The following SLC30A9 variants were observed in gnomAD, a reference collection of about 807,000 sequenced individuals.
SLC30A9 encodes solute carrier family 30 member 9.
SLC30A9 carries 58 observed loss-of-function variants against 87.5 expected under a neutral mutation model. The observed-to-expected ratio is 0.66, with a 90% CI of 0.54 to 0.82. The LOEUF (loss-of-function observed/expected upper bound fraction) is 0.82. SLC30A9 is among the 40% of genes least tolerant of loss of function. The probability of loss-of-function intolerance (pLI) is 0.00; values close to 1 mark genes in which losing one functional copy is unlikely to be tolerated. For missense variants in SLC30A9, 557 were observed against 679.1 expected (o/e 0.82, Z 2.00); for synonymous variants, 234 against 233.0 (o/e 1.00, Z -0.04).
chr4:41,990,891 G>T, intron 1 of SLC30A9, 131 bp downstream of exon 1: 1 of 681,118 alleles, frequency 1.5e-6, no homozygotes, highest in South Asian at 1.7e-5. Flanking sequence ...TCTGGCCTCC[G>T]CCTTTCCAGT....
chr4:42,050,908 T>G (rs1717358514), intron 9 of SLC30A9, among the ~76,000 whole-genome samples: 1 of 152,152 alleles, frequency 6.6e-6, no homozygotes, highest in African/African-American at 2.4e-5. Flanking sequence ...GTGTCTGAGG[T>G]GGCTAGAACT....
Position 41,990,686 on chromosome 4 carries a change from G to A in SLC30A9, c.35G>A (p.Arg12Lys), listed in dbSNP as rs1022536047. ...GGCTTGGCCGCCGCCGCGGCCCACA[G>A]ATGTAGCTGGTCCTCCCTGTGCCGG... The part of the protein sequence containing the change: ...LPGLAAAAAH[R>K]CSWSSLCRLR... The change falls in exon 1 of 18, where the codon AGA (arginine) becomes AAA (lysine). Residue 12 changes from arginine (R) to lysine (K), a missense_variant. Arg to Lys is a conservative substitution (Grantham distance 26, BLOSUM62 2). Coordinates refer to ENST00000264451, the MANE Select transcript of SLC30A9 (RefSeq NM_006345.4). 6.2e-7 allele frequency: 1 copy of A among 1,611,720 alleles called. No individual in the cohort carries two copies. The highest frequency in any genetic ancestry group is 8.5e-7 in the Non-Finnish European group (1 of 1,178,892).
At chr4:42,047,032 G>C (rs1008735231) in intron 8 of SLC30A9, among the ~76,000 whole-genome samples, 2 of 152,198 alleles carry the variant, frequency 1.3e-5, no homozygotes, top group Non-Finnish European at 1.5e-5. Context: ...GCCATATGCA[G>C]AAAACTGAAA....
At chr4:42,055,669 A>C (rs1310261031) in intron 9 of SLC30A9, among the ~76,000 whole-genome samples, 1 of 152,234 alleles carries the variant, frequency 6.6e-6, no homozygotes, top group Admixed American at 6.5e-5. Flanking sequence ...TTTAATATCA[A>C]CTGAGATGAA....
intron 9 of SLC30A9, among the ~76,000 whole-genome samples, chr4:42,054,652 A>G (rs1367557705): frequency 6.6e-6 from 1 of 151,708 alleles, no homozygotes; most frequent in Non-Finnish European, 1.5e-5. Context: ...CATCACGCCC[A>G]GCTAATTTTT....
At chr4:42,056,001 A>G (rs1452065848) in intron 9 of SLC30A9, among the ~76,000 whole-genome samples, 1 of 152,134 alleles carries the variant, frequency 6.6e-6, no homozygotes, top group Non-Finnish European at 1.5e-5. Flanking sequence ...GTGTAGAAAA[A>G]GGTCTGGAAG....
In SLC30A9 at chr4:42,089,929, T is replaced by G. The variant is rs1396212616; in HGVS notation, c.*3803T>G. On this transcript the variant is annotated 3_prime_UTR_variant, in exon 18 of 18. Coordinates refer to ENST00000264451, the MANE Select transcript of SLC30A9 (RefSeq NM_006345.4). ...AATGTCATAAGGCTTGAGTTTTTGG[T>G]ATATGGCTTTCAGTGTTACCTTATC... is the stretch of plus-strand genomic sequence containing the variant. The G allele has an allele frequency of 6.6e-6, 1 of 152,232 alleles. No homozygotes were observed. Among genetic ancestry groups the G allele is most frequent in the Non-Finnish European group, 1.5e-5 (1 of 68,034 alleles). The allele number at this position is 152,232 out of a possible 1,614,324, so 9.4% of individuals were successfully genotyped here.
intron 2 of SLC30A9, among the ~76,000 whole-genome samples, chr4:42,011,924 G>C (rs767993562): frequency 7.4e-4 from 113 of 152,278 alleles, no homozygotes; most frequent in Admixed American, 1.4e-3. Flanking sequence ...AGGAGAGTTA[G>C]TAAATTCAAA....
rs1435018510 is a variant in SLC30A9, at chr4:41,990,554, T to C, written c.-98T>C. 2 of 666,100 alleles carry C rather than the reference T, an allele frequency of 3.0e-6. No homozygotes were observed. Among genetic ancestry groups the C allele is most frequent in the African/African-American group, 3.6e-5 (2 of 55,160 alleles). The allele number at this position is 666,100 out of a possible 1,614,324, so 41.3% of individuals were successfully genotyped here. Reference sequence around the variant, plus strand: ...CAGGCAGCTTGTGGCGGCGAAGCCATCGGTGTTCGCTGATGTCCAGTCTAT... The same window carrying C: ...CAGGCAGCTTGTGGCGGCGAAGCCACCGGTGTTCGCTGATGTCCAGTCTAT... On this transcript the variant is annotated 5_prime_UTR_variant, in exon 1 of 18. Transcript: ENST00000264451.
chr4:42,019,786 A>T (rs28446245), intron 3 of SLC30A9, among the ~76,000 whole-genome samples: 2 of 151,836 alleles, frequency 1.3e-5, no homozygotes, highest in Non-Finnish European at 2.9e-5. Context: ...CTGTTATTTT[A>T]TTTATTTATT....
chr4:41,993,866 A>G (rs1440915802), intron 1 of SLC30A9, among the ~76,000 whole-genome samples: 3 of 152,176 alleles, frequency 2.0e-5, no homozygotes, highest in African/African-American at 7.2e-5. Context: ...TTAAAAAATT[A>G]TAATTCAGGG....
intron 8 of SLC30A9, among the ~76,000 whole-genome samples, chr4:42,041,409 C>G (rs1375864168): frequency 6.6e-6 from 1 of 152,144 alleles, no homozygotes; most frequent in Non-Finnish European, 1.5e-5. Context: ...CCTCAGCCTC[C>G]TGAGTAGCTG....
intron 11 of SLC30A9, among the ~76,000 whole-genome samples, chr4:42,063,852 C>G (rs1717972482): frequency 1.3e-5 from 2 of 152,148 alleles, no homozygotes; most frequent in Admixed American, 1.3e-4. Flanking sequence ...GCTTCTGCAT[C>G]TCATGGTGTG....
chr4:42,062,850 G>T, intron 10 of SLC30A9, 136 bp from the exon 11 acceptor site: 1 of 702,598 alleles, frequency 1.4e-6, no homozygotes, highest in Non-Finnish European at 2.2e-6. Flanking sequence ...TTCAAGTTTG[G>T]CACTTAACAT....
At chr4:42,028,741 T>A (rs1361255160) in intron 6 of SLC30A9, among the ~76,000 whole-genome samples, 1 of 152,188 alleles carries the variant, frequency 6.6e-6, no homozygotes, top group Non-Finnish European at 1.5e-5. Context: ...TCCTGACTTG[T>A]CCTTCTACAC....
At chr4:42,067,682 G>A (rs901978604) in intron 14 of SLC30A9, among the ~76,000 whole-genome samples, 2 of 152,196 alleles carry the variant, frequency 1.3e-5, no homozygotes, top group African/African-American at 4.8e-5. Flanking sequence ...TACCATCTCT[G>A]TGGAGTTTGC....
At chr4:42,016,726 A>G (rs546617722) in intron 2 of SLC30A9, among the ~76,000 whole-genome samples, 2 of 152,156 alleles carry the variant, frequency 1.3e-5, no homozygotes, top group Non-Finnish European at 2.9e-5. Context: ...TAAAAGCTCA[A>G]AGAAAGATGG....
intron 7 of SLC30A9, among the ~76,000 whole-genome samples, chr4:42,038,579 A>C (rs1270353435): frequency 1.3e-5 from 2 of 152,236 alleles, no homozygotes; most frequent in African/African-American, 2.4e-5. Flanking sequence ...AGTTGAGATC[A>C]CATGGACAAG....
intron 9 of SLC30A9, among the ~76,000 whole-genome samples, chr4:42,055,789 A>C (rs1017210248): frequency 2.0e-5 from 3 of 152,250 alleles, no homozygotes; most frequent in African/African-American, 4.8e-5. Context: ...TAAAACAACT[A>C]GAAAGATCTT....
Sources: allele counts gnomAD v4.1 joint callset (sites outside exome capture counted in the v4.1 genomes callset), GRCh38; gene constraint gnomAD v4.1.1; transcripts MANE v1.5; gene names NCBI Gene and HGNC (gene_info 2026-07-23, HGNC 2026-07-21).